Variants in TENM1 observed in about 807,000 individuals in gnomAD.
TENM1 encodes teneurin transmembrane protein 1, also known as teneurin-1.
TENM1 carries 35 observed loss-of-function variants against 174.8 expected under a neutral mutation model. That is an observed-to-expected ratio of 0.20 (90% CI 0.15 to 0.27). The LOEUF is 0.27. TENM1 is among the 10% of genes least tolerant of loss of function. TENM1 has a pLI of 1.00. For synonymous variants in TENM1, 781 were observed against 798.7 expected (o/e 0.98, Z 0.37); for missense variants, 1,633 against 2,130.1 (o/e 0.77, Z 4.59).
rs988323366 is a variant in TENM1, at chrX:124,802,823, A to G, written c.536-65626T>C. Among the ~76,000 whole-genome samples the G allele has an allele frequency of 3.6e-5, 4 of 111,603 alleles. No individual in the cohort carries two copies. In the East Asian group the frequency reaches 1.1e-3, roughly 31 times the overall value. On this transcript the variant is annotated intron_variant, in intron 3 of 31. Transcript: ENST00000422452. ...AGCTCTATTAGTGCAAAAACAAACT[A>G]TTGTACTGCAAAGTAGGGTGCAGCA...
chrX:124,728,877 C>CA (rs1458794446), intron 4 of TENM1, among the ~76,000 whole-genome samples: 1 of 112,083 alleles, frequency 8.9e-6, no homozygotes, highest in Non-Finnish European at 1.9e-5. Context: ...TCAGTTGCTT[C>CA]ATCTCTCAAT....
intron 11 of TENM1, among the ~76,000 whole-genome samples, chrX:124,581,942 T>C (rs1304879313): frequency 8.9e-6 from 1 of 111,742 alleles, no homozygotes; most frequent in East Asian, 2.8e-4. Flanking sequence ...ATTTGTTACA[T>C]AGGTAAACAG....
intron 6 of TENM1, among the ~76,000 whole-genome samples, chrX:124,668,490 A>G (rs1204226525): frequency 8.9e-6 from 1 of 112,436 alleles, no homozygotes; most frequent in African/African-American, 3.2e-5. Context: ...AAAATGTGGC[A>G]CATATACACC....
At chrX:124,886,970 T>C (rs960466707) in intron 3 of TENM1, among the ~76,000 whole-genome samples, 2 of 110,789 alleles carry the variant, frequency 1.8e-5, no homozygotes, top group Non-Finnish European at 3.8e-5. Context: ...TTTCTCATCA[T>C]TGCCAGTGTT....
At chrX:124,592,672 C>T (rs1304215565) in intron 11 of TENM1, among the ~76,000 whole-genome samples, 7 of 109,341 alleles carry the variant, frequency 6.4e-5, no homozygotes, top group Admixed American at 3.9e-4. Flanking sequence ...TGACCTCAGG[C>T]GATCTGCTCC....
chrX:124,643,055 C>T (rs999998611), intron 10 of TENM1, among the ~76,000 whole-genome samples: 5 of 111,204 alleles, frequency 4.5e-5, no homozygotes, highest in Non-Finnish European at 3.8e-5. Context: ...GAGTCATTAG[C>T]ACAATAATTT....
the TENM1 span, among the ~76,000 whole-genome samples, chrX:125,001,969 A>G: frequency 2.0e-5 from 2 of 101,959 alleles, no homozygotes; most frequent in Non-Finnish European, 4.0e-5. Flanking sequence ...ACACACACAC[A>G]CACAAGATCA....
chrX:124,765,990 C>T (rs1981596429), intron 3 of TENM1, among the ~76,000 whole-genome samples: 1 of 112,074 alleles, frequency 8.9e-6, no homozygotes, highest in African/African-American at 3.2e-5. Flanking sequence ...ACATGAAATA[C>T]ATAACTATGA....
chrX:124,837,120 C>T (rs2056407525), intron 3 of TENM1, among the ~76,000 whole-genome samples: 1 of 112,494 alleles, frequency 8.9e-6, no homozygotes, highest in Admixed American at 9.4e-5. Context: ...CAGAGTTTCA[C>T]TCTTGTTGCC....
In TENM1 at chrX:124,565,362, T is replaced by C. The variant is rs764836659; in HGVS notation, c.2263+13A>G. ...AATCCAACTTACTTTGGTTAAAGTA[T>C]GGTGGTACTTACCAATTGTGCAGTG... On this transcript the variant is annotated intron_variant, in intron 12 of 31. Coordinates refer to ENST00000422452, the Ensembl canonical transcript of TENM1. The C allele has an allele frequency of 1.3e-4, 155 of 1,164,931 alleles. 1 individual carries two copies. In the South Asian group the frequency reaches 3.0e-3, roughly 22 times the overall value.
At chrX:124,752,203 A>G (rs189151373) in intron 3 of TENM1, among the ~76,000 whole-genome samples, 252 of 111,687 alleles carry the variant, frequency 2.3e-3, no homozygotes, top group African/African-American at 7.9e-3. Flanking sequence ...GTGAGATGGT[A>G]TCTCATTGTG....
chrX:124,585,879 C>T (rs1462679059), intron 11 of TENM1, among the ~76,000 whole-genome samples: 2 of 110,882 alleles, frequency 1.8e-5, no homozygotes, highest in African/African-American at 3.3e-5. Flanking sequence ...CACAGAAATA[C>T]AAACTACCAT....
At chrX:124,780,200 C>T (rs1189072166) in intron 3 of TENM1, among the ~76,000 whole-genome samples, 2 of 112,267 alleles carry the variant, frequency 1.8e-5, no homozygotes, top group Admixed American at 9.5e-5. Context: ...CCCAAGCACT[C>T]ATTTCTCAAC....
intron 11 of TENM1, among the ~76,000 whole-genome samples, chrX:124,599,845 G>C (rs912672577): frequency 1.0e-4 from 11 of 110,343 alleles, no homozygotes; most frequent in Non-Finnish European, 5.7e-5. Context: ...AGGGGATCTT[G>C]ATTTTACATT....
chrX:124,902,218 T>C (rs1470869155), intron 1 of TENM1, among the ~76,000 whole-genome samples: 1 of 112,202 alleles, frequency 8.9e-6, no homozygotes, highest in Non-Finnish European at 1.9e-5. Flanking sequence ...AAAGAGTTAG[T>C]AGTTTCATGA....
At chrX:124,469,930 G>C (rs1272660940) in intron 22 of TENM1, among the ~76,000 whole-genome samples, 3 of 111,496 alleles carry the variant, frequency 2.7e-5, no homozygotes, top group Non-Finnish European at 5.6e-5. Context: ...TAAAGGAATG[G>C]AAATTAAAGT....
At chrX:124,557,545 T>C (rs1428026592) in intron 14 of TENM1, among the ~76,000 whole-genome samples, 1 of 111,087 alleles carries the variant, frequency 9.0e-6, no homozygotes, top group African/African-American at 3.3e-5. Flanking sequence ...TTTAGGTATA[T>C]GGTATGAATT....
At chrX:124,665,064 G>A (rs903478070) in intron 6 of TENM1, among the ~76,000 whole-genome samples, 5 of 111,865 alleles carry the variant, frequency 4.5e-5, no homozygotes, top group African/African-American at 1.6e-4. Flanking sequence ...ACGGCTGGGC[G>A]TGGTGGCTCA....
chrX:125,193,914 A>G, the TENM1 span, among the ~76,000 whole-genome samples: 1 of 110,891 alleles, frequency 9.0e-6, no homozygotes, highest in Admixed American at 9.6e-5. Context: ...AGTGCTGAGT[A>G]GCTGGGACTA....
Sources: gnomAD v4.1 joint callset for allele counts (sites outside exome capture counted in the v4.1 genomes callset) on GRCh38, gnomAD v4.1.1 for gene constraint, MANE v1.5 for transcripts, NCBI Gene and HGNC (gene_info 2026-07-23, HGNC 2026-07-21) for gene names.